The following NEK4 variants were observed in gnomAD, a reference collection of about 807,000 sequenced individuals.
NEK4 encodes serine/threonine-protein kinase Nek4.
Under a neutral mutation model 98.4 loss-of-function variants are expected in NEK4, and 86 were observed. The observed-to-expected ratio is 0.87, with a 90% CI of 0.73 to 1.05. The LOEUF (loss-of-function observed/expected upper bound fraction) is 1.05, where lower values mean the gene tolerates loss of function less well. NEK4 is among the 50% of genes least tolerant of loss of function. The pLI is 0.00. For synonymous variants in NEK4, 328 were observed against 342.2 expected (o/e 0.96, Z 0.46); for missense variants, 898 against 950.3 (o/e 0.94, Z 0.72).
rs749365739 is a variant in NEK4 at position 52,766,187 on chromosome 3, G to T, written c.549C>A (p.Tyr183Ter). 1 of 1,613,960 alleles carries T rather than the reference G, an allele frequency of 6.2e-7. No individual in the cohort carries two copies. Among genetic ancestry groups the T allele is most frequent in the Non-Finnish European group, 8.5e-7 (1 of 1,179,854 alleles). ...CAGAGCCCAATCCTACCTTATAGTT[G>T]TAGGGTTTGTTTGAGAACAATTCAG... ...MSPELFSNKPYNYKSDVWALG... is the reference protein window; with the variant it reads ...MSPELFSNKP The change falls in exon 3 of 16, where the codon TAC becomes TAA. Residue 183 changes from tyrosine (Y) to a stop codon, truncating the protein, a stop_gained. Coordinates refer to ENST00000233027, the MANE Select transcript of NEK4 (RefSeq NM_003157.6). LOFTEE classifies it high-confidence loss of function.
chr3:52,753,544 A>G (rs2154105472), intron 6 of NEK4: 1 of 519,862 alleles, frequency 1.9e-6, no homozygotes, highest in South Asian at 1.5e-5. Flanking sequence ...TTTCTGGAGC[A>G]TGTCTACAAG....
chr3:52,748,085 G>A (rs371354388), intron 8 of NEK4, among the ~76,000 whole-genome samples: 63 of 151,620 alleles, frequency 4.2e-4, no homozygotes, highest in East Asian at 1.5e-3. Flanking sequence ...TCAGCCTCCC[G>A]AGTAGCTGGG....
chr3:52,762,100 A>G (rs1038002560), intron 5 of NEK4, among the ~76,000 whole-genome samples: 1 of 152,228 alleles, frequency 6.6e-6, no homozygotes, highest in Non-Finnish European at 1.5e-5. Flanking sequence ...TTAACATGCC[A>G]CAAGGCAAGA....
chr3:52,727,144 T>C (rs945108059), intron 15 of NEK4, among the ~76,000 whole-genome samples: 4 of 152,010 alleles, frequency 2.6e-5, no homozygotes, highest in Admixed American at 2.6e-4. Flanking sequence ...CCAGCTAATT[T>C]TGTATTTTTA....
At position 52,746,726 on chromosome 3, in the gene NEK4, T is replaced by C; in HGVS notation, c.1677+8A>G. ...GTCCACCTCCCAAACCAAAGCAAAA[T>C]GACTTACAGCAAAGAGATCTCTGCG... On this transcript the variant is annotated splice_region_variant and intron_variant, in intron 9 of 15. Transcript: ENST00000233027. 1 of 1,589,058 alleles carries C rather than the reference T, an allele frequency of 6.3e-7. No individual in the cohort carries two copies. Among genetic ancestry groups the C allele is most frequent in the Non-Finnish European group, 8.6e-7 (1 of 1,166,730 alleles).
chr3:52,736,620 C>G (rs1398262045), intron 15 of NEK4, among the ~76,000 whole-genome samples: 1 of 151,284 alleles, frequency 6.6e-6, no homozygotes, highest in African/African-American at 2.4e-5. Context: ...ATAGTAAACA[C>G]TTCATTCTTT....
chr3:52,730,917 G>A (rs1444943389), intron 15 of NEK4, among the ~76,000 whole-genome samples: 3 of 152,156 alleles, frequency 2.0e-5, no homozygotes, highest in Admixed American at 2.0e-4. Flanking sequence ...AATGGGTGTA[G>A]AGTTTCAGTT....
At position 52,739,404 on chromosome 3, in the gene NEK4, C is replaced by CA. The variant is rs780090837; in HGVS notation, c.2299+24dup. ...ACAGAGTGAGACTCCGTCTAAAAAA[C>CA]AAAAAATAATAATAAGCTGATCACC... On this transcript the variant is annotated intron_variant, in intron 14 of 15. Coordinates refer to ENST00000233027, the MANE Select transcript of NEK4 (RefSeq NM_003157.6). The CA allele has an allele frequency of 1.9e-5, 30 of 1,606,782 alleles. No individual in the cohort carries two copies. In the African/African-American group the frequency reaches 3.3e-4, roughly 18 times the overall value.
intron 15 of NEK4, chr3:52,734,816 C>A: frequency 3.3e-6 from 1 of 300,324 alleles, no homozygotes; most frequent in Non-Finnish European, 6.5e-6. Context: ...GACTGGGGAG[C>A]CTCTCATTCA....
intron 15 of NEK4, among the ~76,000 whole-genome samples, chr3:52,718,835 G>A (rs1040506881): frequency 6.6e-6 from 1 of 152,126 alleles, no homozygotes; most frequent in African/African-American, 2.4e-5. Flanking sequence ...CTCACCGACC[G>A]TGACTTCCGC....
chr3:52,740,616 G>A (rs559676589), intron 13 of NEK4, among the ~76,000 whole-genome samples: 56 of 151,870 alleles, frequency 3.7e-4, no homozygotes, highest in African/African-American at 1.4e-3. Flanking sequence ...TTGCCAATAT[G>A]GTGAAACCCA....
chr3:52,753,737 G>A (rs955981021), intron 6 of NEK4: 6 of 561,288 alleles, frequency 1.1e-5, no homozygotes, highest in African/African-American at 3.8e-5. Flanking sequence ...CTACAGACTC[G>A]TCCACCTGAA....
At chr3:52,744,615 C>T (rs891469035) in intron 10 of NEK4, among the ~76,000 whole-genome samples, 6 of 141,678 alleles carry the variant, frequency 4.2e-5, no homozygotes, top group African/African-American at 1.0e-4. Context: ...ACCTGGGAGG[C>T]GGTGGTTGCA....
chr3:52,751,541 A>C (rs1042741230), intron 7 of NEK4, among the ~76,000 whole-genome samples: 1 of 152,004 alleles, frequency 6.6e-6, no homozygotes, highest in African/African-American at 2.4e-5. Flanking sequence ...GAACTGCTTG[A>C]ACCCAGGAGG....
chr3:52,753,839 T>G, intron 6 of NEK4: 1 of 411,064 alleles, frequency 2.4e-6, no homozygotes, highest in Non-Finnish European at 4.8e-6. Context: ...ATTAAAGTGG[T>G]TTGGACTAAT....
At chr3:52,768,651 T>C in intron 1 of NEK4, 47 bp from the exon 2 acceptor site, 1 of 1,588,632 alleles carries the variant, frequency 6.3e-7, no homozygotes, top group Non-Finnish European at 8.6e-7. Flanking sequence ...AAACGTAAGA[T>C]TTGTGGCCTC....
intron 4 of NEK4, among the ~76,000 whole-genome samples, chr3:52,765,343 C>T (rs1309226736): frequency 6.8e-5 from 10 of 148,040 alleles, no homozygotes; most frequent in Non-Finnish European, 4.5e-5. Context: ...AAGAGCAAAA[C>T]TCCATCTCAA....
rs2097350124 is a variant in NEK4 at position 52,711,304 on chromosome 3, A to C, written c.*473T>G. 6.6e-6 allele frequency: 1 copy of C among 152,460 alleles called. No homozygotes were observed. The allele number at this position is 152,460 out of a possible 1,614,324, so 9.4% of individuals were successfully genotyped here. Reference sequence around the variant, plus strand: ...TAAATCTATTTCTAGAACTGAATTGACTTTTTAAAATTTTATAATTTATCA... The same window carrying C: ...TAAATCTATTTCTAGAACTGAATTGCCTTTTTAAAATTTTATAATTTATCA... On this transcript the variant is annotated 3_prime_UTR_variant, in exon 16 of 16. Coordinates refer to ENST00000233027, the MANE Select transcript of NEK4 (RefSeq NM_003157.6).
intron 15 of NEK4, among the ~76,000 whole-genome samples, chr3:52,729,759 G>T: frequency 8.1e-6 from 1 of 123,638 alleles, no homozygotes; most frequent in Admixed American, 7.8e-5. Context: ...AAAAAAAAAA[G>T]ACTCAAATTA....
Sources: gnomAD v4.1 joint callset for allele counts (sites outside exome capture counted in the v4.1 genomes callset) on GRCh38, gnomAD v4.1.1 for gene constraint, MANE v1.5 for transcripts, NCBI Gene and HGNC (gene_info 2026-07-23, HGNC 2026-07-21) for gene names.